Variants in GMDS observed in about 807,000 individuals in gnomAD.
The protein encoded by GMDS is GDP-mannose 4,6 dehydratase.
In GMDS, 20 loss-of-function variants were observed where a neutral mutation model predicts 49.9. The observed-to-expected ratio is 0.40, with a 90% CI of 0.28 to 0.58. The LOEUF is 0.58. Ranked by LOEUF, GMDS falls within the 20% of genes least tolerant of loss-of-function variation. The pLI is 0.42. For missense variants in GMDS, 362 were observed against 481.4 expected (o/e 0.75, Z 2.32); for synonymous variants, 177 against 178.6 (o/e 0.99, Z 0.07).
chr6:2,077,325 G>A (rs1359663999), intron 4 of GMDS, among the ~76,000 whole-genome samples: 3 of 152,094 alleles, frequency 2.0e-5, no homozygotes, highest in Non-Finnish European at 2.9e-5. Context: ...ATGTAGAATA[G>A]GAGTGGTGAA....
intron 9 of GMDS, among the ~76,000 whole-genome samples, chr6:1,706,009 A>T (rs917015228): frequency 3.3e-5 from 5 of 152,204 alleles, no homozygotes; most frequent in Non-Finnish European, 7.3e-5. Context: ...GTCATTGTGG[A>T]ATAGCAATTA....
intron 1 of GMDS, among the ~76,000 whole-genome samples, chr6:2,155,425 G>A (rs1385125288): frequency 6.6e-6 from 1 of 152,106 alleles, no homozygotes; most frequent in Non-Finnish European, 1.5e-5. Context: ...TACCATTTGG[G>A]TGGATGTCTT....
At chr6:1,835,513 C>T (rs1214282678) in intron 7 of GMDS, among the ~76,000 whole-genome samples, 1 of 152,130 alleles carries the variant, frequency 6.6e-6, no homozygotes, top group East Asian at 1.9e-4. Context: ...AGATATGTCA[C>T]TATAAAATAA....
At chr6:1,693,596 G>T (rs1315440295) in intron 9 of GMDS, among the ~76,000 whole-genome samples, 3 of 152,174 alleles carry the variant, frequency 2.0e-5, no homozygotes, top group African/African-American at 7.2e-5. Context: ...TGTTGTTGTT[G>T]TTGTTTTGTC....
At position 1,949,049 on chromosome 6, in the gene GMDS, G is replaced by C. The variant is rs1429491919; in HGVS notation, c.643+10818C>G. 6 of 975,032 alleles carry C rather than the reference G, an allele frequency of 6.2e-6. No individual in the cohort carries two copies. In the South Asian group the frequency reaches 1.4e-4, roughly 23 times the overall value. 60.4% of individuals were successfully genotyped at this position (975,032 alleles called of 1,614,324 possible). A position where few individuals can be genotyped will look rare whatever the true frequency, so the allele number is the denominator to read the frequency against. On this transcript the variant is annotated intron_variant, in intron 6 of 10. Transcript: ENST00000380815. ...CCACTAACAGAGCTGCCTCCAACAG[G>C]GTCTTTCACTTTGGAAGGGAAGGAG...
chr6:1,918,469 G>A (rs144045517), intron 7 of GMDS, among the ~76,000 whole-genome samples: 22 of 152,186 alleles, frequency 1.4e-4, no homozygotes, highest in East Asian at 1.2e-3. Context: ...GAATAAGGCC[G>A]GGCATGGTGG....
At chr6:2,129,322 A>C (rs1301571122) in intron 1 of GMDS, among the ~76,000 whole-genome samples, 2 of 152,122 alleles carry the variant, frequency 1.3e-5, no homozygotes, top group Non-Finnish European at 2.9e-5. Context: ...CTCCCGCAAC[A>C]CAGGAAGACT....
In GMDS at chr6:1,961,918, A is replaced by G. The variant is rs144045361; in HGVS notation, c.346-952T>C. ...CAGGCAACTGCTCACCAGGGACCCT[A>G]TTTAGACCACTAAACTCATGTCATT... On this transcript the variant is annotated intron_variant, in intron 4 of 10. Coordinates refer to ENST00000380815, the MANE Select transcript of GMDS (RefSeq NM_001500.4). 6.1e-3 allele frequency among the ~76,000 whole-genome samples: 933 copies of G among 152,336 alleles called. 7 individuals are homozygous for G. Among genetic ancestry groups the G allele is most frequent in the African/African-American group, 0.021 (890 of 41,582 alleles).
intron 1 of GMDS, among the ~76,000 whole-genome samples, chr6:2,184,290 C>A (rs1380019133): frequency 6.6e-6 from 1 of 152,156 alleles, no homozygotes; most frequent in African/African-American, 2.4e-5. Flanking sequence ...GATCTCAAAC[C>A]ACACGTGAGA....
chr6:1,794,395 C>G (rs1177625577), intron 7 of GMDS, among the ~76,000 whole-genome samples: 1 of 151,872 alleles, frequency 6.6e-6, no homozygotes, highest in African/African-American at 2.4e-5. Context: ...TAAACAAAGA[C>G]ACATGTATAT....
At chr6:1,976,274 T>A (rs1009461310) in intron 4 of GMDS, among the ~76,000 whole-genome samples, 6 of 152,212 alleles carry the variant, frequency 3.9e-5, no homozygotes, top group Non-Finnish European at 8.8e-5. Context: ...ATGTGCTTAT[T>A]CTGCTCCATT....
intron 7 of GMDS, among the ~76,000 whole-genome samples, chr6:1,885,573 A>G (rs1339955327): frequency 6.6e-6 from 1 of 152,210 alleles, no homozygotes; most frequent in Admixed American, 6.5e-5. Context: ...GTTTATAAAG[A>G]TCACAGTGGA....
chr6:1,791,270 T>C (rs1478901977), intron 7 of GMDS, among the ~76,000 whole-genome samples: 2 of 152,174 alleles, frequency 1.3e-5, no homozygotes, highest in Admixed American at 6.5e-5. Flanking sequence ...CAAACTACCT[T>C]GTACTGGGCG....
At chr6:1,968,112 C>T (rs1764370802) in intron 4 of GMDS, among the ~76,000 whole-genome samples, 1 of 152,198 alleles carries the variant, frequency 6.6e-6, no homozygotes, top group South Asian at 2.1e-4. Flanking sequence ...CCCCTCCAAA[C>T]TCATTATAAC....
Position 2,052,116 on chromosome 6 carries a change from C to CAAAAAAAAAAAAAAAAAAAAAAAAAA in GMDS, c.345+63654_345+63655insTTTTTTTTTTTTTTTTTTTTTTTTTT, listed in dbSNP as rs1285013159. Among the ~76,000 whole-genome samples the CAAAAAAAAAAAAAAAAAAAAAAAAAA allele has an allele frequency of 6.4e-4, 28 of 43,572 alleles. 1 individual carries two copies. Among genetic ancestry groups the CAAAAAAAAAAAAAAAAAAAAAAAAAA allele is most frequent in the South Asian group, 1.7e-3 (2 of 1,144 alleles). 28.6% of individuals were successfully genotyped at this position (43,572 alleles called of 152,430 possible). A position where few individuals can be genotyped will look rare whatever the true frequency, so the allele number is the denominator to read the frequency against. ...TGGGTGACAGAGCAAGACTCTGTCTCAAAAAAAAAAAAAAGAAAAAAAAAA... is the reference window on the plus strand; with the variant it reads ...TGGGTGACAGAGCAAGACTCTGTCTCAAAAAAAAAAAAAAAAAAAAAAAAAAAAAAAAAAAAAAAAGAAAAAAAAAA... On this transcript the variant is annotated intron_variant, in intron 4 of 10. Coordinates refer to ENST00000380815, the MANE Select transcript of GMDS (RefSeq NM_001500.4).
At chr6:2,027,356 A>G (rs575732272) in intron 4 of GMDS, among the ~76,000 whole-genome samples, 27 of 152,322 alleles carry the variant, frequency 1.8e-4, no homozygotes, top group Middle Eastern at 3.4e-3. Context: ...AAGCTCTGCA[A>G]CCCAGGGCTT....
intron 7 of GMDS, among the ~76,000 whole-genome samples, chr6:1,904,407 A>T (rs1262174305): frequency 6.6e-6 from 1 of 152,044 alleles, no homozygotes; most frequent in African/African-American, 2.4e-5. Flanking sequence ...GGCCAGGAGG[A>T]CTGCCCCCTC....
chr6:1,680,992 C>T (rs1038963043), intron 9 of GMDS, among the ~76,000 whole-genome samples: 13 of 152,172 alleles, frequency 8.5e-5, no homozygotes, highest in East Asian at 1.9e-4. Flanking sequence ...GTTGCCTCCT[C>T]GGCAGGGAGG....
At chr6:1,901,720 G>A (rs1024854122) in intron 7 of GMDS, among the ~76,000 whole-genome samples, 3 of 152,136 alleles carry the variant, frequency 2.0e-5, no homozygotes, top group African/African-American at 7.2e-5. Flanking sequence ...TAACTAGTCT[G>A]AAAAGACACA....
Sources: allele counts gnomAD v4.1 joint callset (sites outside exome capture counted in the v4.1 genomes callset), GRCh38; gene constraint gnomAD v4.1.1; transcripts MANE v1.5; gene names NCBI Gene and HGNC (gene_info 2026-07-23, HGNC 2026-07-21).